The following CMIP variants were observed in gnomAD, a reference collection of about 807,000 sequenced individuals.
CMIP encodes c-Maf inducing protein, also known as C-Maf-inducing protein.
A neutral mutation model predicts 97.3 loss-of-function variants in CMIP; 13 were observed. That is an observed-to-expected ratio of 0.13 (90% CI 0.09 to 0.21). The LOEUF (loss-of-function observed/expected upper bound fraction) is 0.21, where lower values mean the gene tolerates loss of function less well. CMIP is among the 10% of genes least tolerant of loss of function. CMIP has a pLI of 1.00. For missense variants in CMIP, 847 were observed against 1,024.9 expected, an observed-to-expected ratio of 0.83 and a Z score of 2.37; for synonymous variants, 538 against 436.3, an observed-to-expected ratio of 1.23 and a Z score of -2.91.
At chr16:81,651,362 A>T in intron 3 of CMIP, 1 of 943,966 alleles carries the variant, frequency 1.1e-6, no homozygotes, top group East Asian at 1.2e-4. Context: ...ACTCTGCCTC[A>T]AATCCAGGGA....
At position 81,696,580 on chromosome 16, in the gene CMIP, C is replaced by T. The variant is rs60152409; in HGVS notation, c.1551C>T (p.Ser517=). The T allele has an allele frequency of 3.1e-4, 498 of 1,605,594 alleles. 2 individuals carry two copies. In the East Asian group the frequency reaches 8.9e-3, roughly 29 times the overall value. Residue 517 remains serine (S), a synonymous_variant, in exon 14 of 21, where the codon AGC becomes AGT. Coordinates refer to ENST00000537098, the MANE Select transcript of CMIP (RefSeq NM_198390.3). ...GGCAGGTCCACTCATGCCTGCTGAG[C>T]GTGCGGGCCGGCAAAGATGGCTGGT... is the stretch of plus-strand genomic sequence containing the variant. ...PRQEVHSCLL[S]VRAGKDGWFQ...
At chr16:81,707,169 G>T in intron 20 of CMIP, 85 bp downstream of exon 20, 1 of 1,094,694 alleles carries the variant, frequency 9.1e-7, no homozygotes, top group Admixed American at 1.8e-5. Flanking sequence ...CACAGAGCTC[G>T]TTCTCCAGTA....
At chr16:81,607,457 C>A in intron 1 of CMIP, 110 bp from the exon 2 acceptor site, 3 of 1,402,628 alleles carry the variant, frequency 2.1e-6, no homozygotes, top group Non-Finnish European at 2.9e-6. Flanking sequence ...TGCACCAGCT[C>A]CATTTGCCTG....
intron 19 of CMIP, among the ~76,000 whole-genome samples, chr16:81,706,522 A>ATT (rs751920927): frequency 5.3e-5 from 8 of 152,192 alleles, no homozygotes; most frequent in African/African-American, 9.6e-5. Flanking sequence ...AACAGCACAG[A>ATT]TTCCTGGTCC....
rs1230972937 is a variant in CMIP at position 81,603,369 on chromosome 16, A to G, written c.301-4198A>G. On this transcript the variant is annotated intron_variant, in intron 1 of 20. Coordinates refer to ENST00000537098, the MANE Select transcript of CMIP (RefSeq NM_198390.3). ...AGTGCTGGGATTACAGGCGTGAGCC[A>G]CCGCGCCCGGCCTTGTTTTTGTTTT... 3 of 454,192 alleles carry G rather than the reference A, an allele frequency of 6.6e-6. No homozygotes were observed. In the East Asian group the frequency reaches 2.1e-4, roughly 32 times the overall value. 28.1% of individuals were successfully genotyped at this position (454,192 alleles called of 1,614,324 possible). A position where few individuals can be genotyped will look rare whatever the true frequency, so the allele number is the denominator to read the frequency against.
intron 1 of CMIP, among the ~76,000 whole-genome samples, chr16:81,523,352 C>T (rs2090065927): frequency 6.6e-6 from 1 of 152,214 alleles, no homozygotes; most frequent in Non-Finnish European, 1.5e-5. Flanking sequence ...GAGTCACTCC[C>T]TGTTTGCCAT....
At chr16:81,701,884 G>T in intron 16 of CMIP, 84 bp downstream of exon 16, 1 of 1,499,948 alleles carries the variant, frequency 6.7e-7, no homozygotes. Flanking sequence ...CTAGTACTTG[G>T]ACCTGAGTGG....
chr16:81,679,373 T>C lies in CMIP; in HGVS notation c.1388+745T>C, dbSNP rs1904632806. On this transcript the variant is annotated intron_variant, in intron 10 of 20. Coordinates refer to ENST00000537098, the MANE Select transcript of CMIP (RefSeq NM_198390.3). ...CATGTGGGTGTAACCATTTGTGCTG[T>C]AGGGTTAGAGAGCATGTGTGTTTCT... Among the ~76,000 whole-genome samples, 4 of 152,046 alleles carry C rather than the reference T, an allele frequency of 2.6e-5. 1 individual carries two copies. The South Asian group carries it at 8.3e-4, about 32-fold the overall frequency.
At chr16:81,530,489 G>A (rs943103102) in intron 1 of CMIP, among the ~76,000 whole-genome samples, 4 of 151,966 alleles carry the variant, frequency 2.6e-5, no homozygotes, top group African/African-American at 7.3e-5. Context: ...TTGTGGGATC[G>A]GTGTAGCCCG....
intron 1 of CMIP, among the ~76,000 whole-genome samples, chr16:81,569,441 C>T (rs2091043690): frequency 6.6e-6 from 1 of 152,222 alleles, no homozygotes; most frequent in South Asian, 2.1e-4. Context: ...TGGTCCCTGG[C>T]TCTCCCAGAG....
At chr16:81,687,662 G>A (rs1303907431) in intron 10 of CMIP, among the ~76,000 whole-genome samples, 2 of 152,170 alleles carry the variant, frequency 1.3e-5, no homozygotes, top group African/African-American at 4.8e-5. Flanking sequence ...TGTCATGACT[G>A]CAGTCTCTGG....
intron 10 of CMIP, among the ~76,000 whole-genome samples, chr16:81,682,569 A>G (rs964755058): frequency 1.5e-4 from 22 of 147,714 alleles, no homozygotes; most frequent in African/African-American, 4.7e-4. Context: ...CCCATCTCCA[A>G]AAAAAAAAAA....
rs1905740604 is a variant in CMIP at position 81,445,068 on chromosome 16, A to T, written c.-174A>T. On this transcript the variant is annotated 5_prime_UTR_variant, in exon 1 of 21. Transcript: ENST00000537098. ...CGCCGAGGCCGGCCCAGCCCGCCGC[A>T]CGCGCCGCCCCCCGCGGGCAGCGCC... is the stretch of plus-strand genomic sequence containing the variant. 2.2e-5 allele frequency: 5 copies of T among 228,718 alleles called. No homozygotes were observed. In the East Asian group the frequency reaches 2.7e-4, roughly 12 times the overall value. The allele number at this position is 228,718 out of a possible 1,614,324, so 14.2% of individuals were successfully genotyped here. A position where few individuals can be genotyped will look rare whatever the true frequency, so the allele number is the denominator to read the frequency against.
intron 1 of CMIP, among the ~76,000 whole-genome samples, chr16:81,599,225 C>G (rs2091616872): frequency 6.6e-6 from 1 of 152,006 alleles, no homozygotes; most frequent in Non-Finnish European, 1.5e-5. Flanking sequence ...ATAATAACAA[C>G]AGCCCCGGGG....
At chr16:81,615,048 G>C (rs1182314018) in intron 2 of CMIP, among the ~76,000 whole-genome samples, 1 of 150,490 alleles carries the variant, frequency 6.6e-6, no homozygotes, top group Non-Finnish European at 1.5e-5. Flanking sequence ...ATGTGTATCT[G>C]TGTGTCTGTG....
intron 1 of CMIP, among the ~76,000 whole-genome samples, chr16:81,529,477 G>A (rs148145928): frequency 4.8e-4 from 73 of 152,316 alleles, no homozygotes; most frequent in Non-Finnish European, 7.5e-4. Context: ...AAACTGTGGG[G>A]CAGTGAGATC....
chr16:81,538,940 G>C lies in CMIP; in HGVS notation c.301-68627G>C, dbSNP rs978106677. 3.3e-5 allele frequency among the ~76,000 whole-genome samples: 5 copies of C among 152,126 alleles called. No individual in the cohort carries two copies. In the South Asian group the frequency reaches 1.0e-3, roughly 32 times the overall value. ...GGTGTCCATCTGTTTGTGGAAACCTGATCTACTAAGGTTGATATAATCAGG... is the reference window on the plus strand; with the variant it reads ...GGTGTCCATCTGTTTGTGGAAACCTCATCTACTAAGGTTGATATAATCAGG... On this transcript the variant is annotated intron_variant, in intron 1 of 20. Transcript: ENST00000537098.
intron 1 of CMIP, among the ~76,000 whole-genome samples, chr16:81,468,530 C>CT (rs1261414203): frequency 2.6e-5 from 4 of 152,272 alleles, no homozygotes; most frequent in Admixed American, 2.0e-4. Context: ...GCCCTCTGTG[C>CT]TTTCAGAGTG....
At chr16:81,469,520 C>CACTGTCATTGCT (rs1395562995) in intron 1 of CMIP, among the ~76,000 whole-genome samples, 49 of 152,272 alleles carry the variant, frequency 3.2e-4, no homozygotes, top group African/African-American at 1.1e-3. Context: ...CTGCCGTTAC[C>CACTGTCATTGCT]ACTGTCATTG....
Sources: allele counts gnomAD v4.1 joint callset (sites outside exome capture counted in the v4.1 genomes callset), GRCh38; gene constraint gnomAD v4.1.1; transcripts MANE v1.5; gene names NCBI Gene and HGNC (gene_info 2026-07-23, HGNC 2026-07-21).